MACF1: variants seen among roughly 807,000 people sequenced by gnomAD.
The protein encoded by MACF1 is microtubule actin crosslinking factor 1.
Under a neutral mutation model 854.8 loss-of-function variants are expected in MACF1, and 193 were observed. The observed-to-expected ratio is 0.23, with a 90% CI of 0.20 to 0.25. The LOEUF is 0.25. Ranked by LOEUF, MACF1 falls within the 10% of genes least tolerant of loss-of-function variation. The pLI is 1.00. For synonymous variants in MACF1, 3,185 were observed against 3,226.7 expected (o/e 0.99, Z 0.44); for missense variants, 7,722 against 8,929.1 (o/e 0.86, Z 5.45).
chr1:39,302,573 G>A (rs1227346010), intron 22 of MACF1, among the ~76,000 whole-genome samples: 1 of 152,120 alleles, frequency 6.6e-6, no homozygotes, highest in Non-Finnish European at 1.5e-5. Context: ...TAAAAACAAT[G>A]TTTTGATTAT....
intron 57 of MACF1, 65 bp downstream of exon 57, chr1:39,385,994 A>G: frequency 1.3e-6 from 2 of 1,502,350 alleles, no homozygotes; most frequent in Non-Finnish European, 1.8e-6. Context: ...GGAATGGGTT[A>G]GGAGTAGTCC....
At chr1:39,136,713 TATTAA>T (rs1248466268) in intron 2 of MACF1, among the ~76,000 whole-genome samples, 1 of 152,224 alleles carries the variant, frequency 6.6e-6, no homozygotes, top group Admixed American at 6.5e-5. Flanking sequence ...ATTAATTCTA[TATTAA>T]ATTAATAAAG....
intron 97 of MACF1, among the ~76,000 whole-genome samples, chr1:39,475,928 G>A (rs956614653): frequency 6.6e-6 from 1 of 152,272 alleles, no homozygotes; most frequent in African/African-American, 2.4e-5. Context: ...AAGTGGGCAG[G>A]GAGGAGTGGT....
intron 41 of MACF1, among the ~76,000 whole-genome samples, chr1:39,348,137 A>C (rs1331201455): frequency 6.6e-6 from 1 of 152,206 alleles, no homozygotes; most frequent in Non-Finnish European, 1.5e-5. Flanking sequence ...AGTTGGTGCC[A>C]TATGTCCTGT....
intron 49 of MACF1, among the ~76,000 whole-genome samples, chr1:39,364,115 A>G (rs1648461534): frequency 6.6e-6 from 1 of 152,140 alleles, no homozygotes; most frequent in African/African-American, 2.4e-5. Flanking sequence ...AAATTTCACC[A>G]TTTTGCATTC....
At chr1:39,179,292 G>C (rs944572421) in intron 2 of MACF1, among the ~76,000 whole-genome samples, 1 of 152,148 alleles carries the variant, frequency 6.6e-6, no homozygotes, top group Admixed American at 6.6e-5. Flanking sequence ...AACAGAGTTG[G>C]GGTGGGACTT....
At chr1:39,378,617 A>G in intron 53 of MACF1, 94 bp downstream of exon 53, 1 of 1,234,642 alleles carries the variant, frequency 8.1e-7, no homozygotes, top group Non-Finnish European at 1.2e-6. Flanking sequence ...TGGTGGAAGA[A>G]CTGCTGCCAG....
At chr1:39,262,187 A>G (rs1227062403) in intron 6 of MACF1, among the ~76,000 whole-genome samples, 3 of 152,064 alleles carry the variant, frequency 2.0e-5, no homozygotes, top group East Asian at 3.8e-4. Context: ...AGATCACTTG[A>G]GGTCAGGAGT....
chr1:39,453,883 G>A (rs781293879), intron 88 of MACF1, 33 bp downstream of exon 88: 5 of 1,612,526 alleles, frequency 3.1e-6, no homozygotes, highest in Non-Finnish European at 3.4e-6. Context: ...GACTGCACAC[G>A]CCCAGTAAAC....
chr1:39,406,544 C>A (rs185112296), intron 58 of MACF1, among the ~76,000 whole-genome samples: 2 of 152,014 alleles, frequency 1.3e-5, no homozygotes, highest in East Asian at 1.9e-4. Flanking sequence ...ACCAGCCTGG[C>A]CAACAAGGGG....
At chr1:39,175,083 T>C (rs1644006590) in intron 2 of MACF1, among the ~76,000 whole-genome samples, 1 of 152,190 alleles carries the variant, frequency 6.6e-6, no homozygotes. Context: ...CTGTATTGTC[T>C]TTAGTTTTTA....
chr1:39,428,325 G>T lies in MACF1; in HGVS notation c.16803+38G>T. On this transcript the variant is annotated intron_variant, in intron 63 of 100. Coordinates refer to ENST00000564288, the MANE Select transcript of MACF1 (RefSeq NM_001394062.1). ...CCATTTTTATTGGTTATGTTATTCT[G>T]TTATTTTGTTATTTTGATTCATGTT... is the stretch of plus-strand genomic sequence containing the variant. 5 of 1,466,866 alleles carry T rather than the reference G, an allele frequency of 3.4e-6. No individual in the cohort carries two copies. In the South Asian group the frequency reaches 4.0e-5, roughly 12 times the overall value. 90.9% of individuals were successfully genotyped at this position (1,466,866 alleles called of 1,614,324 possible). A position where few individuals can be genotyped will look rare whatever the true frequency, so the allele number is the denominator to read the frequency against.
chr1:39,112,106 A>C (rs1185036632), intron 2 of MACF1, among the ~76,000 whole-genome samples: 1 of 95,700 alleles, frequency 1.0e-5, no homozygotes, highest in Non-Finnish European at 2.5e-5. Flanking sequence ...TTTTTTTTTG[A>C]AACAGAGTCT....
intron 51 of MACF1, among the ~76,000 whole-genome samples, chr1:39,371,801 T>A (rs1237289489): frequency 6.6e-6 from 1 of 151,100 alleles, no homozygotes; most frequent in African/African-American, 2.4e-5. Context: ...TCTGGCAAAC[T>A]CTTATCTTTC....
chr1:39,216,748 T>G (rs563529496), intron 1 of MACF1, among the ~76,000 whole-genome samples: 1 of 151,988 alleles, frequency 6.6e-6, no homozygotes, highest in Admixed American at 6.6e-5. Flanking sequence ...ATTGCCTATA[T>G]CTAAAAGTGC....
At chr1:39,400,839 C>A (rs980555773) in intron 58 of MACF1, among the ~76,000 whole-genome samples, 1 of 152,116 alleles carries the variant, frequency 6.6e-6, no homozygotes, top group Non-Finnish European at 1.5e-5. Flanking sequence ...ACAGTTACCC[C>A]TCTTTGTGCC....
intron 72 of MACF1, 111 bp from the exon 73 acceptor site, chr1:39,440,892 G>T: frequency 9.7e-7 from 1 of 1,030,326 alleles, no homozygotes; most frequent in Non-Finnish European, 1.5e-6. Flanking sequence ...AAGTGAAACT[G>T]ACAGTTATGT....
intron 46 of MACF1, 108 bp from the exon 47 acceptor site, chr1:39,359,033 A>G: frequency 6.9e-7 from 1 of 1,450,046 alleles, no homozygotes; most frequent in Non-Finnish European, 9.4e-7. Flanking sequence ...ATTTATGGCT[A>G]TGGTTAAACT....
chr1:39,292,751 T>C lies in MACF1; in HGVS notation c.1915-15T>C, dbSNP rs375827574. On this transcript the variant is annotated splice_polypyrimidine_tract_variant and intron_variant, in intron 16 of 100. Transcript: ENST00000564288. ...CTTTCTCTAATGTATTTTTATTTCA[T>C]TCTTTTTTAATCAGGGAAAGATGTC... The C allele has an allele frequency of 5.6e-5, 88 of 1,583,084 alleles. No individual in the cohort carries two copies. Among genetic ancestry groups the C allele is most frequent in the Non-Finnish European group, 6.4e-5 (74 of 1,156,746 alleles).
Sources: gnomAD v4.1 joint callset for allele counts (sites outside exome capture counted in the v4.1 genomes callset) on GRCh38, gnomAD v4.1.1 for gene constraint, MANE v1.5 for transcripts, NCBI Gene and HGNC (gene_info 2026-07-23, HGNC 2026-07-21) for gene names.